ATG7: variants seen among roughly 807,000 people sequenced by gnomAD.
The protein encoded by ATG7 is autophagy related 7, also known as ubiquitin-like modifier-activating enzyme ATG7.
ATG7 carries 70 observed loss-of-function variants against 82.4 expected under a neutral mutation model. The observed-to-expected ratio is 0.85, with a 90% confidence interval of 0.70 to 1.04. The LOEUF is 1.04. Ranked by LOEUF, ATG7 falls within the 50% of genes least tolerant of loss-of-function variation. The pLI, the probability that ATG7 is intolerant of heterozygous loss-of-function variation, is 0.00. For synonymous variants in ATG7, 287 were observed against 313.0 expected, an observed-to-expected ratio of 0.92 and a Z score of 0.88; for missense variants, 792 against 864.3, an observed-to-expected ratio of 0.92 and a Z score of 1.05.
Position 11,307,944 on chromosome 3 carries a change from G to T in ATG7, c.333+884G>T, listed in dbSNP as rs1481528682. Among the ~76,000 whole-genome samples the T allele has an allele frequency of 2.0e-5, 3 of 152,298 alleles. No homozygotes were observed. The East Asian group carries it at 5.8e-4, about 29-fold the overall frequency. Reference sequence around the variant, plus strand: ...TGGCTTGACTGCTCCTGGGCCTCCTGCTTTGGCTGCACATTTAAAAGGGAG... The same window carrying T: ...TGGCTTGACTGCTCCTGGGCCTCCTTCTTTGGCTGCACATTTAAAAGGGAG... On this transcript the variant is annotated intron_variant, in intron 6 of 20. Transcript: ENST00000693202.
At chr3:11,481,624 A>C (rs1453171764) in intron 20 of ATG7, among the ~76,000 whole-genome samples, 2 of 152,196 alleles carry the variant, frequency 1.3e-5, no homozygotes, top group Non-Finnish European at 2.9e-5. Context: ...TGAATTGTAT[A>C]ACCTTTCCTG....
intron 18 of ATG7, among the ~76,000 whole-genome samples, chr3:11,370,700 C>T (rs1018956662): frequency 1.3e-5 from 2 of 151,092 alleles, no homozygotes; most frequent in African/African-American, 2.4e-5. Flanking sequence ...TAGGTGAAAA[C>T]ACCACCAGGG....
chr3:11,402,016 G>C (rs1030654048), intron 19 of ATG7, among the ~76,000 whole-genome samples: 1 of 152,118 alleles, frequency 6.6e-6, no homozygotes, highest in African/African-American at 2.4e-5. Context: ...TGTACAACTT[G>C]GTGGGTTTTT....
chr3:11,395,766 C>T (rs1405674182), intron 19 of ATG7, among the ~76,000 whole-genome samples: 3 of 152,018 alleles, frequency 2.0e-5, no homozygotes, highest in African/African-American at 7.2e-5. Flanking sequence ...CGGTGAAACC[C>T]CGTCTCTACT....
chr3:11,422,000 T>C (rs2081973690), intron 19 of ATG7, among the ~76,000 whole-genome samples: 1 of 152,248 alleles, frequency 6.6e-6, no homozygotes, highest in Non-Finnish European at 1.5e-5. Context: ...TTCAGTAAAC[T>C]GTGCCGTAAA....
chr3:11,368,251 A>G (rs1025155914), intron 18 of ATG7, among the ~76,000 whole-genome samples: 1 of 147,074 alleles, frequency 6.8e-6, no homozygotes, highest in South Asian at 2.2e-4. Flanking sequence ...AAAAAAAAAA[A>G]AGAAGAAGAA....
chr3:11,365,323 A>G (rs1039959100), intron 18 of ATG7, among the ~76,000 whole-genome samples: 2 of 152,210 alleles, frequency 1.3e-5, no homozygotes, highest in African/African-American at 4.8e-5. Context: ...AGAAGCATGC[A>G]GGGTCACCAA....
At chr3:11,543,733 C>G (rs1691035233) in intron 20 of ATG7, among the ~76,000 whole-genome samples, 1 of 152,232 alleles carries the variant, frequency 6.6e-6, no homozygotes, top group Admixed American at 6.5e-5. Flanking sequence ...AACCCCATCT[C>G]TACTAAAAAT....
At position 11,362,878 on chromosome 3, in the gene ATG7, A is replaced by T; in HGVS notation, c.1749A>T (p.Ala583=). ...GTCGTCCAGGACTGGCCGTGATTGC[A>T]GGAGCCCTGGCCGTGGAATTGATGG... ...TVSRPGLAVI[A]GALAVELMVS... is the part of the protein sequence containing the mutation. The change falls in exon 17 of 21, where the codon GCA becomes GCT. Residue 583 remains alanine, a synonymous_variant. Transcript: ENST00000693202. The T allele has an allele frequency of 6.2e-7, 1 of 1,614,122 alleles. No individual in the cohort carries two copies. Among genetic ancestry groups the T allele is most frequent in the Non-Finnish European group, 8.5e-7 (1 of 1,179,972 alleles).
chr3:11,454,436 G>C (rs546914208), intron 20 of ATG7, among the ~76,000 whole-genome samples: 1 of 152,258 alleles, frequency 6.6e-6, no homozygotes, highest in East Asian at 1.9e-4. Context: ...GACGGCATGA[G>C]TCTGGGCTGG....
intron 20 of ATG7, among the ~76,000 whole-genome samples, chr3:11,505,650 T>G (rs1347284702): frequency 6.6e-6 from 1 of 152,174 alleles, no homozygotes; most frequent in African/African-American, 2.4e-5. Flanking sequence ...TGCAAGTCAG[T>G]GACACCACAG....
chr3:11,495,069 C>T (rs2090712524), intron 20 of ATG7, among the ~76,000 whole-genome samples: 1 of 151,674 alleles, frequency 6.6e-6, no homozygotes, highest in African/African-American at 2.4e-5. Context: ...AAGAGCAAGG[C>T]TCCGTCTCAG....
intron 20 of ATG7, among the ~76,000 whole-genome samples, chr3:11,532,164 T>C (rs1486828986): frequency 6.6e-6 from 1 of 152,188 alleles, no homozygotes; most frequent in Non-Finnish European, 1.5e-5. Flanking sequence ...AAAAGAAGAT[T>C]TGCTCATTCA....
chr3:11,435,605 T>C (rs1319651718), intron 20 of ATG7, among the ~76,000 whole-genome samples: 2 of 152,100 alleles, frequency 1.3e-5, no homozygotes, highest in Non-Finnish European at 2.9e-5. Flanking sequence ...AAGGTCTGAG[T>C]TCATACCTCA....
intron 20 of ATG7, among the ~76,000 whole-genome samples, chr3:11,538,942 A>G (rs965558820): frequency 3.3e-5 from 5 of 152,048 alleles, no homozygotes; most frequent in Non-Finnish European, 7.4e-5. Flanking sequence ...AGGAATGGAC[A>G]CCTACCTAAG....
intron 20 of ATG7, among the ~76,000 whole-genome samples, chr3:11,541,542 A>G (rs2070836227): frequency 6.6e-6 from 1 of 152,176 alleles, no homozygotes; most frequent in South Asian, 2.1e-4. Flanking sequence ...CCTTGCCAGC[A>G]CATGCCTCCC....
chr3:11,409,195 T>C (rs1420433905), intron 19 of ATG7, among the ~76,000 whole-genome samples: 1 of 152,250 alleles, frequency 6.6e-6, no homozygotes, highest in Non-Finnish European at 1.5e-5. Flanking sequence ...TGACTTATAA[T>C]AGTTTGACTT....
At chr3:11,409,496 G>A (rs1238161667) in intron 19 of ATG7, among the ~76,000 whole-genome samples, 2 of 152,228 alleles carry the variant, frequency 1.3e-5, no homozygotes, top group African/African-American at 2.4e-5. Flanking sequence ...CAGCTATGAT[G>A]TTCAGTAGTT....
At chr3:11,430,996 A>G (rs1217554351) in intron 20 of ATG7, among the ~76,000 whole-genome samples, 6 of 152,242 alleles carry the variant, frequency 3.9e-5, no homozygotes, top group Non-Finnish European at 8.8e-5. Flanking sequence ...AGTCTTTAGT[A>G]TATTACTCAA....
Sources: allele counts gnomAD v4.1 joint callset (sites outside exome capture counted in the v4.1 genomes callset), GRCh38; gene constraint gnomAD v4.1.1; transcripts MANE v1.5; gene names NCBI Gene and HGNC (gene_info 2026-07-23, HGNC 2026-07-21).